Variants in SMAD4 observed in about 807,000 individuals in gnomAD.
SMAD4 encodes SMAD family member 4.
In SMAD4, 7 loss-of-function variants were observed where a neutral mutation model predicts 63.2. The ratio of observed to expected loss-of-function variants is 0.11; its 90% CI spans 0.06 to 0.21. SMAD4 has a LOEUF of 0.21. Among genes scored for constraint, SMAD4 ranks in the 10% least tolerant of loss-of-function variants. SMAD4 has a pLI of 1.00. For missense variants in SMAD4, 312 were observed against 693.8 expected (o/e 0.45, Z 6.18); for synonymous variants, 215 against 235.4 (o/e 0.91, Z 0.79).
At chr18:51,060,753 C>T (rs77617352) in intron 8 of SMAD4, among the ~76,000 whole-genome samples, 3,388 of 152,266 alleles carry the variant, frequency 0.022, 58 homozygotes, top group Non-Finnish European at 0.028. Flanking sequence ...CTCACCTCAG[C>T]TTCTAGAGTA....
intron 4 of SMAD4, chr18:51,051,159 G>A (rs1909700440): frequency 1.1e-5 from 3 of 282,062 alleles, no homozygotes; most frequent in Middle Eastern, 9.7e-4. Flanking sequence ...CTCTCTATGG[G>A]GCTGTTTGTG....
chr18:51,076,098 T>C (rs1910465246), intron 10 of SMAD4, among the ~76,000 whole-genome samples: 1 of 152,242 alleles, frequency 6.6e-6, no homozygotes, highest in Non-Finnish European at 1.5e-5. Flanking sequence ...TGTTGTTGTT[T>C]CTTAAGTATT....
At chr18:51,071,523 A>T (rs1910317885) in intron 10 of SMAD4, among the ~76,000 whole-genome samples, 1 of 152,202 alleles carries the variant, frequency 6.6e-6, no homozygotes, top group South Asian at 2.1e-4. Flanking sequence ...ATTCTCTTTA[A>T]GTGGCCTTGT....
intron 10 of SMAD4, among the ~76,000 whole-genome samples, chr18:51,068,344 C>T (rs926010995): frequency 3.3e-5 from 5 of 152,052 alleles, no homozygotes; most frequent in African/African-American, 1.2e-4. Context: ...ACTTTTTTTT[C>T]CTGGAGTCGT....
intron 10 of SMAD4, among the ~76,000 whole-genome samples, chr18:51,074,314 A>C (rs1910415200): frequency 6.6e-6 from 1 of 152,124 alleles, no homozygotes; most frequent in Non-Finnish European, 1.5e-5. Flanking sequence ...CAGGTGTTCA[A>C]GACTAGCTTG....
At position 51,082,178 on chromosome 18, in the gene SMAD4, A is replaced by G; in HGVS notation, c.*3711A>G. 1 of 230,064 alleles carries G rather than the reference A, an allele frequency of 4.3e-6. No individual in the cohort carries two copies. Among genetic ancestry groups the G allele is most frequent in the East Asian group, 6.2e-5 (1 of 16,042 alleles). 14.3% of individuals were successfully genotyped at this position (230,064 alleles called of 1,614,324 possible). Reference sequence around the variant, plus strand: ...CAATTACCTCTAAAGCCAGTTAACAATTATTTTGTAGGTGGGGTACACTCA... The same window carrying G: ...CAATTACCTCTAAAGCCAGTTAACAGTTATTTTGTAGGTGGGGTACACTCA... On this transcript the variant is annotated 3_prime_UTR_variant, in exon 12 of 12. Coordinates refer to ENST00000342988, the MANE Select transcript of SMAD4 (RefSeq NM_005359.6).
At chr18:51,063,689 A>G (rs950050631) in intron 8 of SMAD4, among the ~76,000 whole-genome samples, 6 of 152,234 alleles carry the variant, frequency 3.9e-5, no homozygotes, top group African/African-American at 1.4e-4. Context: ...CTGGGATTAT[A>G]GGCATGAGCC....
intron 4 of SMAD4, among the ~76,000 whole-genome samples, chr18:51,050,755 A>G (rs1909686523): frequency 6.6e-6 from 1 of 151,880 alleles, no homozygotes; most frequent in Non-Finnish European, 1.5e-5. Context: ...TTGTTTGTAG[A>G]ATTTTAGAGG....
chr18:51,078,531 T>C lies in SMAD4; in HGVS notation c.*64T>C. The C allele has an allele frequency of 2.7e-6, 3 of 1,107,414 alleles. No individual in the cohort carries two copies. Among genetic ancestry groups the C allele is most frequent in the Non-Finnish European group, 4.0e-6 (3 of 742,810 alleles). 68.6% of individuals were successfully genotyped at this position (1,107,414 alleles called of 1,614,324 possible). A position where few individuals can be genotyped will look rare whatever the true frequency, so the allele number is the denominator to read the frequency against. Reference sequence around the variant, plus strand: ...GTGGACTACAAAATACAATCCTGTTTATAATCTGAAGATATATTTCACTTT... The same window carrying C: ...GTGGACTACAAAATACAATCCTGTTCATAATCTGAAGATATATTTCACTTT... On this transcript the variant is annotated 3_prime_UTR_variant, in exon 12 of 12. Coordinates refer to ENST00000342988, the MANE Select transcript of SMAD4 (RefSeq NM_005359.6).
intron 10 of SMAD4, among the ~76,000 whole-genome samples, chr18:51,074,212 CAAAA>C (rs533055652): frequency 2.3e-5 from 2 of 88,088 alleles, no homozygotes; most frequent in African/African-American, 8.5e-5. Flanking sequence ...TCATCTCTAC[CAAAA>C]AAAAAAAAAA....
At position 51,058,370 on chromosome 18, in the gene SMAD4, C is replaced by T. The variant is rs1282145977; in HGVS notation, c.818C>T (p.Thr273Ile). 2 of 1,614,168 alleles carry T rather than the reference C, an allele frequency of 1.2e-6. No homozygotes were observed. Among genetic ancestry groups the T allele is most frequent in the Non-Finnish European group, 1.7e-6 (2 of 1,179,994 alleles). Residue 273 changes from threonine to isoleucine, a missense_variant, in exon 7 of 12, where the codon ACT becomes ATT. Thr to Ile is a moderately conservative substitution (Grantham distance 89). Around this residue, in one of 4 missense-constraint regions of SMAD4, gnomAD observed 169 missense variants for 211.0 expected, o/e 0.80. Coordinates refer to ENST00000342988, the MANE Select transcript of SMAD4 (RefSeq NM_005359.6). Reference sequence around the variant, plus strand: ...ACTACCACCTGGACTGGAAGTAGGACTGCACCATACACACCTAATTTGCCT... The same window carrying T: ...ACTACCACCTGGACTGGAAGTAGGATTGCACCATACACACCTAATTTGCCT... ...NSTTTWTGSR[T>I]APYTPNLPHH...
chr18:51,067,064 T>C lies in SMAD4; in HGVS notation c.1185T>C (p.Gly395=). 1 of 1,613,844 alleles carries C rather than the reference T, an allele frequency of 6.2e-7. No homozygotes were observed. Among genetic ancestry groups the C allele is most frequent in the Middle Eastern group, 1.6e-4 (1 of 6,062 alleles). The change falls in exon 10 of 12, where the codon GGT becomes GGC. Residue 395 remains glycine, a synonymous_variant. Coordinates refer to ENST00000342988, the MANE Select transcript of SMAD4 (RefSeq NM_005359.6). ...KGVQLECKGE[G]DVWVRCLSDH... is the part of the protein sequence containing the mutation. Reference sequence around the variant, plus strand: ...TGCAGTTGGAATGTAAAGGTGAAGGTGATGTTTGGGTCAGGTGCCTTAGTG... The same window carrying C: ...TGCAGTTGGAATGTAAAGGTGAAGGCGATGTTTGGGTCAGGTGCCTTAGTG...
In SMAD4 at chr18:51,082,553, G is replaced by A. The variant is rs1390227452; in HGVS notation, c.*4086G>A. The A allele has an allele frequency of 4.4e-6, 1 of 227,348 alleles. No individual in the cohort carries two copies. The highest frequency in any genetic ancestry group is 5.7e-5 in the Admixed American group (1 of 17,568). The allele number at this position is 227,348 out of a possible 1,614,324, so 14.1% of individuals were successfully genotyped here. ...AATTGCCTTATTTAAGAAGTAAAAC[G>A]TTTTAATTTTTAGCCTTTTTTTGGT... On this transcript the variant is annotated 3_prime_UTR_variant, in exon 12 of 12. Transcript: ENST00000342988.
At chr18:51,070,329 A>G (rs1263364201) in intron 10 of SMAD4, among the ~76,000 whole-genome samples, 2 of 152,218 alleles carry the variant, frequency 1.3e-5, no homozygotes, top group African/African-American at 2.4e-5. Context: ...AAAGCCCCCA[A>G]GGTGTGAGAC....
In SMAD4 at chr18:51,073,140, C is replaced by T. The variant is rs150184965; in HGVS notation, c.1309-3498C>T. 2.6e-3 allele frequency among the ~76,000 whole-genome samples: 394 copies of T among 151,746 alleles called. 1 individual carries two copies. Among genetic ancestry groups the T allele is most frequent in the African/African-American group, 8.5e-3 (353 of 41,312 alleles). The stretch of plus-strand genomic sequence containing the variant: ...CAGATGCAAGTCATAAAGTTTAATC[C>T]GTGTGGGTAACCTGTAATATGTGCT... On this transcript the variant is annotated intron_variant, in intron 10 of 11. Coordinates refer to ENST00000342988, the MANE Select transcript of SMAD4 (RefSeq NM_005359.6).
rs368065509 is a variant in SMAD4, at chr18:51,082,681, C to T, written c.*4214C>T. On this transcript the variant is annotated 3_prime_UTR_variant, in exon 12 of 12. Coordinates refer to ENST00000342988, the MANE Select transcript of SMAD4 (RefSeq NM_005359.6). ...TCAGGGGCTTCTAAAACAGACAGGA[C>T]TGTGTTGCCTTTACTAAATGGTCTG... 397 of 231,046 alleles carry T rather than the reference C, an allele frequency of 1.7e-3. 3 individuals carry two copies. The highest frequency in any genetic ancestry group is 8.4e-3 in the African/African-American group (381 of 45,152). The allele number at this position is 231,046 out of a possible 1,614,324, so 14.3% of individuals were successfully genotyped here.
chr18:51,038,356 A>G (rs1366365582), intron 1 of SMAD4, among the ~76,000 whole-genome samples: 1 of 152,130 alleles, frequency 6.6e-6, no homozygotes, highest in Non-Finnish European at 1.5e-5. Flanking sequence ...AAAATCGTGC[A>G]TGGGTAGGCG....
chr18:51,042,287 G>GCCTC (rs1465835592), intron 1 of SMAD4, among the ~76,000 whole-genome samples: 1 of 135,250 alleles, frequency 7.4e-6, no homozygotes, highest in Non-Finnish European at 1.5e-5. Flanking sequence ...TTGCCTGCCT[G>GCCTC]CCTCCCTCCC....
chr18:51,068,745 C>CT (rs1042898666), intron 10 of SMAD4, among the ~76,000 whole-genome samples: 6 of 151,270 alleles, frequency 4.0e-5, no homozygotes, highest in African/African-American at 1.5e-4. Flanking sequence ...AAAGTGATAC[C>CT]CCCATCTCTA....
Sources: allele counts gnomAD v4.1 joint callset (sites outside exome capture counted in the v4.1 genomes callset), GRCh38; gene constraint gnomAD v4.1.1; regional missense constraint gnomAD v4.1.1; transcripts MANE v1.5; gene names NCBI Gene and HGNC (gene_info 2026-07-23, HGNC 2026-07-21).